GALNT13: variants seen among roughly 807,000 people sequenced by gnomAD.
The protein encoded by GALNT13 is polypeptide N-acetylgalactosaminyltransferase 13.
Under a neutral mutation model 64.2 loss-of-function variants are expected in GALNT13, and 28 were observed. The ratio of observed to expected loss-of-function variants is 0.44; its 90% CI spans 0.32 to 0.60. The LOEUF (loss-of-function observed/expected upper bound fraction) is 0.60. GALNT13 is among the 20% of genes least tolerant of loss of function. The pLI is 0.05. For missense variants in GALNT13, 577 were observed against 669.8 expected, an observed-to-expected ratio of 0.86 and a Z score of 1.53; for synonymous variants, 214 against 224.6, an observed-to-expected ratio of 0.95 and a Z score of 0.42.
chr2:154,254,669 A>G (rs1469939997), intron 7 of GALNT13, among the ~76,000 whole-genome samples: 1 of 152,236 alleles, frequency 6.6e-6, no homozygotes, highest in Non-Finnish European at 1.5e-5. Context: ...GGAAAGAAAT[A>G]TAAGACATTA....
the GALNT13 span, among the ~76,000 whole-genome samples, chr2:153,817,435 T>TC: frequency 1.3e-5 from 2 of 152,138 alleles, no homozygotes; most frequent in Non-Finnish European, 2.9e-5. Flanking sequence ...GGGTTTCTCA[T>TC]CCCCCACCAT....
chr2:153,074,106 TAGC>T, the GALNT13 span, among the ~76,000 whole-genome samples: 4 of 152,212 alleles, frequency 2.6e-5, no homozygotes, highest in African/African-American at 9.6e-5. Flanking sequence ...TTTGTGATGT[TAGC>T]AGCCACTGAC....
At chr2:153,686,428 C>T in the GALNT13 span, among the ~76,000 whole-genome samples, 2 of 151,788 alleles carry the variant, frequency 1.3e-5, no homozygotes, top group East Asian at 1.9e-4. Flanking sequence ...CTAGTTCATT[C>T]CCGATTTGGC....
chr2:153,194,600 G>T, the GALNT13 span, among the ~76,000 whole-genome samples: 922 of 152,234 alleles, frequency 6.1e-3, 17 homozygotes, highest in African/African-American at 0.021. Context: ...ATTGGAGTCT[G>T]TTGTTGAAGA....
chr2:153,150,393 A>C, the GALNT13 span, among the ~76,000 whole-genome samples: 1 of 151,928 alleles, frequency 6.6e-6, no homozygotes, highest in Non-Finnish European at 1.5e-5. Flanking sequence ...AGTTGAGTAG[A>C]TTGCAACAAT....
intron 3 of GALNT13, among the ~76,000 whole-genome samples, chr2:154,081,738 T>C (rs1439935697): frequency 6.6e-6 from 1 of 151,756 alleles, no homozygotes; most frequent in African/African-American, 2.4e-5. Context: ...GCTTTGAAGG[T>C]AGACCATTGT....
the GALNT13 span, among the ~76,000 whole-genome samples, chr2:153,081,989 C>G: frequency 6.6e-5 from 10 of 152,168 alleles, no homozygotes. Flanking sequence ...TTCCCACCAA[C>G]AGTGTACAGA....
intron 3 of GALNT13, among the ~76,000 whole-genome samples, chr2:154,031,586 C>G (rs983548609): frequency 6.6e-6 from 1 of 151,360 alleles, no homozygotes; most frequent in Non-Finnish European, 1.5e-5. Context: ...AAGCATCAAC[C>G]AAAAAAACTA....
the GALNT13 span, among the ~76,000 whole-genome samples, chr2:153,149,894 A>T: frequency 6.6e-6 from 1 of 151,916 alleles, no homozygotes; most frequent in Non-Finnish European, 1.5e-5. Flanking sequence ...AATAAGAGGA[A>T]CATTTATTTT....
intron 2 of GALNT13, among the ~76,000 whole-genome samples, chr2:153,901,410 G>T (rs1688228324): frequency 6.6e-6 from 1 of 152,086 alleles, no homozygotes; most frequent in South Asian, 2.1e-4. Context: ...AATTGCTTTG[G>T]ACGTCATGAC....
At chr2:154,371,424 C>T (rs1004366659) in intron 9 of GALNT13, among the ~76,000 whole-genome samples, 1 of 151,092 alleles carries the variant, frequency 6.6e-6, no homozygotes, top group African/African-American at 2.4e-5. Flanking sequence ...TGTGTGACAG[C>T]AGAGGGGTGA....
chr2:153,578,260 T>C, the GALNT13 span, among the ~76,000 whole-genome samples: 1 of 152,192 alleles, frequency 6.6e-6, no homozygotes, highest in Non-Finnish European at 1.5e-5. Flanking sequence ...ATATCAATTT[T>C]ATCTTAGGCA....
chr2:153,948,831 A>G (rs1018273699), intron 3 of GALNT13, among the ~76,000 whole-genome samples: 3 of 152,058 alleles, frequency 2.0e-5, no homozygotes, highest in African/African-American at 2.4e-5. Context: ...GTAGACAGGA[A>G]CAAAACACTC....
At chr2:154,406,214 C>T (rs1015619839) in intron 10 of GALNT13, among the ~76,000 whole-genome samples, 8 of 152,152 alleles carry the variant, frequency 5.3e-5, no homozygotes, top group Non-Finnish European at 1.2e-4. Flanking sequence ...TCCAGTGGCT[C>T]TACCTTCAAA....
the GALNT13 span, among the ~76,000 whole-genome samples, chr2:153,749,765 T>A: frequency 6.6e-6 from 1 of 151,986 alleles, no homozygotes; most frequent in Non-Finnish European, 1.5e-5. Flanking sequence ...TATAAGATCA[T>A]ATCATCTGCA....
chr2:153,652,317 G>A, the GALNT13 span, among the ~76,000 whole-genome samples: 1 of 151,982 alleles, frequency 6.6e-6, no homozygotes, highest in Admixed American at 6.6e-5. Flanking sequence ...GAAACAAATG[G>A]ACTTATAAAT....
the GALNT13 span, among the ~76,000 whole-genome samples, chr2:153,549,660 G>A: frequency 6.6e-6 from 1 of 152,170 alleles, no homozygotes; most frequent in African/African-American, 2.4e-5. Flanking sequence ...AATGGGCTTA[G>A]CAACAAGCTT....
At chr2:153,836,721 T>C in the GALNT13 span, among the ~76,000 whole-genome samples, 2 of 147,314 alleles carry the variant, frequency 1.4e-5, no homozygotes, top group African/African-American at 2.5e-5. Context: ...TGTGATCTCA[T>C]TGTTCAATTC....
chr2:153,582,964 G>A, the GALNT13 span, among the ~76,000 whole-genome samples: 1 of 152,142 alleles, frequency 6.6e-6, no homozygotes, highest in Non-Finnish European at 1.5e-5. Flanking sequence ...GCATATAGAT[G>A]TGGAGCTAGG....
Sources: gnomAD v4.1 joint callset for allele counts (sites outside exome capture counted in the v4.1 genomes callset) on GRCh38, gnomAD v4.1.1 for gene constraint, MANE v1.5 for transcripts, NCBI Gene and HGNC (gene_info 2026-07-23, HGNC 2026-07-21) for gene names.